The following ZNF678 variants were observed in gnomAD, a reference collection of about 807,000 sequenced individuals.
ZNF678 encodes the protein hypothetical protein MGC42493.
ZNF678 carries 5 observed loss-of-function variants against 3.0 expected under a neutral mutation model. That is an observed-to-expected ratio of 1.69 (90% CI 0.88 to 3.56). The LOEUF is 3.56. Among genes scored for constraint, ZNF678 ranks in the 30% most tolerant of loss-of-function variants. ZNF678 has a pLI of 0.00. For missense variants in ZNF678, 593 were observed against 605.0 expected, an observed-to-expected ratio of 0.98 and a Z score of 0.21; for synonymous variants, 218 against 199.6, an observed-to-expected ratio of 1.09 and a Z score of -0.78.
chr1:227,635,750 T>C lies in ZNF678; in HGVS notation c.-163-10794T>C, dbSNP rs570450420. On this transcript the variant is annotated intron_variant, in intron 1 of 3. Coordinates refer to ENST00000343776, the MANE Select transcript of ZNF678 (RefSeq NM_001367909.1). ...TTCTCAATCTTCAGGGGTACGTGTC[T>C]TCTGGCAGGCTCTCTTGCTGCTTCT... is the stretch of plus-strand genomic sequence containing the variant. 3.3e-5 allele frequency among the ~76,000 whole-genome samples: 5 copies of C among 152,214 alleles called. No homozygotes were observed. The East Asian group carries it at 9.6e-4, about 29-fold the overall frequency.
intron 1 of ZNF678, among the ~76,000 whole-genome samples, chr1:227,640,792 G>A (rs923342597): frequency 6.6e-6 from 1 of 152,072 alleles, no homozygotes; most frequent in African/African-American, 2.4e-5. Context: ...TTGGAATGGA[G>A]GACCGGGAGT....
In ZNF678 at chr1:227,646,722, A is replaced by G. The variant is rs1017679253; in HGVS notation, c.-37+52A>G. 7 of 1,333,742 alleles carry G rather than the reference A, an allele frequency of 5.2e-6. No homozygotes were observed. The Admixed American group carries it at 1.3e-4, about 25-fold the overall frequency. 82.6% of individuals were successfully genotyped at this position (1,333,742 alleles called of 1,614,324 possible). ...ATGTATTTCATACTACGGATTCCAT[A>G]TTTTTCACTCCTGAAATGTTACCTG... On this transcript the variant is annotated intron_variant, in intron 2 of 3. Coordinates refer to ENST00000343776, the MANE Select transcript of ZNF678 (RefSeq NM_001367909.1).
In ZNF678 at chr1:227,654,957, C is replaced by G; in HGVS notation, c.707C>G (p.Pro236Arg). ...QHKRIHTGEK[P>R]YKCKECCKAF... ...AAGAGAATTCATACTGGAGAGAAAC[C>G]CTACAAATGCAAAGAATGTTGCAAA... The change falls in exon 4 of 4, where the codon CCC becomes CGC. Residue 236 changes from proline to arginine, a missense_variant. By Grantham distance (103) the Pro-to-Arg change is moderately radical. Coordinates refer to ENST00000343776, the MANE Select transcript of ZNF678 (RefSeq NM_001367909.1). 2.5e-6 allele frequency: 4 copies of G among 1,612,458 alleles called. No homozygotes were observed. The highest frequency in any genetic ancestry group is 3.4e-6 in the Non-Finnish European group (4 of 1,179,428).
chr1:227,647,525 T>C (rs1435593912), intron 2 of ZNF678, among the ~76,000 whole-genome samples: 1 of 152,104 alleles, frequency 6.6e-6, no homozygotes, highest in Non-Finnish European at 1.5e-5. Context: ...AGACAGGTGA[T>C]AGTAGCCAAA....
chr1:227,588,707 G>C (rs1416139133), intron 1 of ZNF678, among the ~76,000 whole-genome samples: 1 of 151,958 alleles, frequency 6.6e-6, no homozygotes, highest in South Asian at 2.1e-4. Context: ...GGTTTCACTT[G>C]TTGGCCAGGC....
In ZNF678 at chr1:227,660,109, T is replaced by C. The variant is rs976788836; in HGVS notation, c.*4281T>C. The C allele has an allele frequency of 6.6e-6, 1 of 152,126 alleles. No individual in the cohort carries two copies. Among genetic ancestry groups the C allele is most frequent in the African/African-American group, 2.4e-5 (1 of 41,442 alleles). 9.4% of individuals were successfully genotyped at this position (152,126 alleles called of 1,614,324 possible). On this transcript the variant is annotated 3_prime_UTR_variant, in exon 4 of 4. Coordinates refer to ENST00000343776, the MANE Select transcript of ZNF678 (RefSeq NM_001367909.1). ...GAGTGAGACCATGAGGTATTCATCT[T>C]TCTGTGTTCTGCTCCATTGGTCTAT...
chr1:227,651,703 A>C (rs1260997901), intron 3 of ZNF678, among the ~76,000 whole-genome samples: 3 of 152,186 alleles, frequency 2.0e-5, no homozygotes, highest in Non-Finnish European at 4.4e-5. Context: ...TGCTTTTAGC[A>C]GGGTATTACA....
At chr1:227,668,056 T>C (rs956269566) in intron 5 of ZNF678, among the ~76,000 whole-genome samples, 1 of 152,216 alleles carries the variant, frequency 6.6e-6, no homozygotes, top group African/African-American at 2.4e-5. Flanking sequence ...AAAGTTTCTG[T>C]TGCAGCTCTT....
Position 227,656,801 on chromosome 1 carries a change from T to A in ZNF678, c.*973T>A, listed in dbSNP as rs1282700550. On this transcript the variant is annotated 3_prime_UTR_variant, in exon 4 of 4. Transcript: ENST00000343776. ...TTGAAATGTTATTTTTAGAATGCAA[T>A]TTCTTTTCATAAAACAAAATTATTT... is the stretch of plus-strand genomic sequence containing the variant. The A allele has an allele frequency of 3.9e-5, 6 of 151,982 alleles. No individual in the cohort carries two copies. The allele number at this position is 151,982 out of a possible 1,614,324, so 9.4% of individuals were successfully genotyped here. A position where few individuals can be genotyped will look rare whatever the true frequency, so the allele number is the denominator to read the frequency against.
intron 1 of ZNF678, among the ~76,000 whole-genome samples, chr1:227,645,146 C>T (rs1658922852): frequency 6.6e-6 from 1 of 152,182 alleles, no homozygotes; most frequent in African/African-American, 2.4e-5. Flanking sequence ...GATGAAGAAA[C>T]AGGAGAGTAG....
intron 1 of ZNF678, among the ~76,000 whole-genome samples, chr1:227,625,301 A>G (rs1212589680): frequency 6.6e-6 from 1 of 152,028 alleles, no homozygotes; most frequent in African/African-American, 2.4e-5. Flanking sequence ...AGGAAAACCG[A>G]AGTGCTGTTG....
intron 1 of ZNF678, among the ~76,000 whole-genome samples, chr1:227,568,734 A>G (rs896715079): frequency 1.3e-5 from 2 of 152,184 alleles, no homozygotes; most frequent in Non-Finnish European, 2.9e-5. Flanking sequence ...TCCCTGGTGC[A>G]TGTGACTGGC....
At chr1:227,579,937 G>C (rs1005084042) in intron 1 of ZNF678, among the ~76,000 whole-genome samples, 1 of 152,086 alleles carries the variant, frequency 6.6e-6, no homozygotes, top group Non-Finnish European at 1.5e-5. Context: ...CAAACCCTTT[G>C]GGCTCTGCAT....
chr1:227,673,976 A>C (rs1659640440), intron 5 of ZNF678, among the ~76,000 whole-genome samples: 1 of 152,242 alleles, frequency 6.6e-6, no homozygotes, highest in African/African-American at 2.4e-5. Flanking sequence ...AAAAAAAGAA[A>C]AGCTTTCTCT....
intron 1 of ZNF678, among the ~76,000 whole-genome samples, chr1:227,564,942 G>T (rs1280815574): frequency 2.0e-5 from 3 of 151,552 alleles, no homozygotes; most frequent in African/African-American, 7.3e-5. Context: ...CACCATGTTG[G>T]TCAGGCTGGT....
chr1:227,603,219 G>A (rs1412405969), intron 1 of ZNF678, among the ~76,000 whole-genome samples: 1 of 152,148 alleles, frequency 6.6e-6, no homozygotes, highest in Non-Finnish European at 1.5e-5. Flanking sequence ...TTCCTCCCAC[G>A]TCATGATGGG....
At chr1:227,619,455 T>C (rs1395926615) in intron 1 of ZNF678, among the ~76,000 whole-genome samples, 2 of 152,116 alleles carry the variant, frequency 1.3e-5, no homozygotes, top group African/African-American at 4.8e-5. Context: ...CTCGAACTTA[T>C]GGAGTCTGTG....
intron 2 of ZNF678, among the ~76,000 whole-genome samples, chr1:227,649,918 T>C (rs1458147239): frequency 1.3e-5 from 2 of 152,196 alleles, no homozygotes; most frequent in Admixed American, 6.5e-5. Context: ...ATTGTTGATA[T>C]CTACCTTTTA....
chr1:227,601,663 C>T (rs1452596954), intron 1 of ZNF678, among the ~76,000 whole-genome samples: 1 of 152,118 alleles, frequency 6.6e-6, no homozygotes, highest in Non-Finnish European at 1.5e-5. Flanking sequence ...CTCCCAGGTT[C>T]AAGCGATTCT....
Sources: allele counts gnomAD v4.1 joint callset (sites outside exome capture counted in the v4.1 genomes callset), GRCh38; gene constraint gnomAD v4.1.1; transcripts MANE v1.5; gene names NCBI Gene and HGNC (gene_info 2026-07-23, HGNC 2026-07-21).